The following ZNF654 variants were observed in gnomAD, a reference collection of about 807,000 sequenced individuals.
ZNF654 encodes the protein melanoma-associated antigen.
In ZNF654, 19 loss-of-function variants were observed where a neutral mutation model predicts 95.3. The observed-to-expected ratio is 0.20, with a 90% confidence interval of 0.14 to 0.29. The LOEUF (loss-of-function observed/expected upper bound fraction) is 0.29. Among genes scored for constraint, ZNF654 ranks in the 10% least tolerant of loss-of-function variants. The probability of loss-of-function intolerance (pLI) is 1.00; values close to 1 mark genes in which losing one functional copy is unlikely to be tolerated. For missense variants in ZNF654, 1,046 were observed against 1,341.0 expected (o/e 0.78, Z 3.44); for synonymous variants, 413 against 457.9 (o/e 0.90, Z 1.25).
Position 88,139,699 on chromosome 3 carries a change from T to C in ZNF654, c.2030T>C (p.Ile677Thr), listed in dbSNP as rs1278827045. The stretch of plus-strand genomic sequence containing the variant: ...CCAGAAGATGTTATTGAAAATGTTA[T>C]TGAAAATGGCAGTCCTAATAATTCT... Reference protein sequence around the residue: ...SVPEDVIENVIENGSPNNSLN... With the variant: ...SVPEDVIENVTENGSPNNSLN... Residue 677 changes from isoleucine (I) to threonine (T), a missense_variant, in exon 8 of 9, where the codon ATT (isoleucine) becomes ACT (threonine). Around this residue, in one of 9 missense-constraint regions of ZNF654, gnomAD observed 495 missense variants for 537.0 expected, o/e 0.92. Coordinates refer to ENST00000636215, the MANE Select transcript of ZNF654 (RefSeq NM_001350134.2). 14 of 1,584,684 alleles carry C rather than the reference T, an allele frequency of 8.8e-6. No individual in the cohort carries two copies. Among genetic ancestry groups the C allele is most frequent in the Non-Finnish European group, 9.5e-6 (11 of 1,163,986 alleles).
Position 88,135,077 on chromosome 3 carries a change from T to C in ZNF654, c.910T>C (p.Trp304Arg). 7.0e-7 allele frequency: 1 copy of C among 1,436,866 alleles called. No individual in the cohort carries two copies. 89.0% of individuals were successfully genotyped at this position (1,436,866 alleles called of 1,614,324 possible). The change falls in exon 7 of 9, where the codon TGG becomes CGG. Residue 304 changes from tryptophan (W) to arginine (R), a missense_variant. By Grantham distance (101) the Trp-to-Arg change is moderately radical (BLOSUM62 -3). Around this residue, in one of 9 missense-constraint regions of ZNF654, gnomAD observed 121 missense variants for 141.7 expected, o/e 0.85. Transcript: ENST00000636215. ...MYCIWELIFIWSKLQLKSNPS... is the reference protein window; with the variant it reads ...MYCIWELIFIRSKLQLKSNPS... ...CATTTACAGGGAGTTGATTTTCATA[T>C]GGAGTAAACTACAGCTTAAATCTAA... is the stretch of plus-strand genomic sequence containing the variant.
At chr3:88,092,922 A>G (rs1017732597) in intron 2 of ZNF654, among the ~76,000 whole-genome samples, 1 of 152,154 alleles carries the variant, frequency 6.6e-6, no homozygotes, top group Non-Finnish European at 1.5e-5. Flanking sequence ...GTCTACAGGG[A>G]AGGAAAGTGG....
chr3:88,090,657 C>T (rs1479033895), intron 2 of ZNF654, among the ~76,000 whole-genome samples: 1 of 152,126 alleles, frequency 6.6e-6, no homozygotes, highest in Non-Finnish European at 1.5e-5. Flanking sequence ...TCTTTACATT[C>T]ATTCACCATT....
intron 4 of ZNF654, among the ~76,000 whole-genome samples, chr3:88,126,846 A>G (rs1332968584): frequency 1.3e-5 from 2 of 152,190 alleles, no homozygotes; most frequent in Non-Finnish European, 2.9e-5. Flanking sequence ...ATTCTAGAGC[A>G]GTATTTCCCA....
chr3:88,088,797 G>A (rs1708480673), intron 2 of ZNF654, among the ~76,000 whole-genome samples: 1 of 151,722 alleles, frequency 6.6e-6, no homozygotes, highest in Non-Finnish European at 1.5e-5. Flanking sequence ...TGGATGGATG[G>A]AGTCTGGCTC....
chr3:88,073,934 G>A (rs1026810304), intron 1 of ZNF654, among the ~76,000 whole-genome samples: 2 of 151,960 alleles, frequency 1.3e-5, no homozygotes, highest in Non-Finnish European at 2.9e-5. Flanking sequence ...AAGAGTATAC[G>A]GCTTTTTAAG....
intron 3 of ZNF654, among the ~76,000 whole-genome samples, chr3:88,118,323 C>T (rs937454611): frequency 6.6e-6 from 1 of 151,886 alleles, no homozygotes; most frequent in African/African-American, 2.4e-5. Flanking sequence ...ATATCATGTC[C>T]CAAGCAGGAG....
intron 1 of ZNF654, among the ~76,000 whole-genome samples, chr3:88,069,355 G>A (rs1039881427): frequency 6.6e-6 from 1 of 152,158 alleles, no homozygotes; most frequent in African/African-American, 2.4e-5. Context: ...TCTGGAGGCG[G>A]AGGTTGCAGT....
chr3:88,139,306 G>A lies in ZNF654; in HGVS notation c.1637G>A (p.Arg546His), dbSNP rs1469004358. The change falls in exon 8 of 9, where the codon CGT becomes CAT. Residue 546 changes from arginine to histidine, a missense_variant. Arg to His is a conservative substitution (Grantham distance 29). Around this residue, in one of 9 missense-constraint regions of ZNF654, gnomAD observed 100 missense variants for 108.9 expected, o/e 0.92. Transcript: ENST00000636215. Reference protein sequence around the residue: ...SKVDHNVPRHRCMLCNKEFLG... With the variant: ...SKVDHNVPRHHCMLCNKEFLG... The stretch of plus-strand genomic sequence containing the variant: ...GTAGATCACAATGTCCCAAGGCATC[G>A]TTGTATGTTATGTAACAAGGAATTT... 7 of 1,591,918 alleles carry A rather than the reference G, an allele frequency of 4.4e-6. No homozygotes were observed. The highest frequency in any genetic ancestry group is 1.2e-5 in the South Asian group (1 of 86,522).
chr3:88,088,744 TTATGTATG>T lies in ZNF654; in HGVS notation c.332+2355_332+2362del, dbSNP rs10574923. Among the ~76,000 whole-genome samples the T allele has an allele frequency of 5.9e-4, 88 of 148,622 alleles. 1 individual carries two copies. The highest frequency in any genetic ancestry group is 4.4e-3 in the East Asian group (22 of 5,010). On this transcript the variant is annotated intron_variant, in intron 2 of 8. Transcript: ENST00000636215. ...AGGCAGTTTAAAAAAAAACCTTTAT[TTATGTATG>T]TATGTATGTATGGATGGATGGATGG...
intron 3 of ZNF654, among the ~76,000 whole-genome samples, chr3:88,113,539 T>C (rs1164652496): frequency 6.6e-6 from 1 of 152,166 alleles, no homozygotes; most frequent in African/African-American, 2.4e-5. Flanking sequence ...TTCCCTTGGC[T>C]GTACCTTGAT....
At chr3:88,061,600 T>A (rs1241168384) in intron 1 of ZNF654, among the ~76,000 whole-genome samples, 1 of 152,192 alleles carries the variant, frequency 6.6e-6, no homozygotes, top group African/African-American at 2.4e-5. Flanking sequence ...GAAGTCCTTT[T>A]TTATATTAAA....
At chr3:88,129,192 CA>C in intron 5 of ZNF654, 181 bp downstream of exon 5, 1 of 522,824 alleles carries the variant, frequency 1.9e-6, no homozygotes, top group Non-Finnish European at 3.3e-6. Flanking sequence ...TTGAATTAGT[CA>C]AAATCTGATA....
At chr3:88,081,432 A>G (rs2107646518) in intron 1 of ZNF654, among the ~76,000 whole-genome samples, 1 of 152,208 alleles carries the variant, frequency 6.6e-6, no homozygotes, top group East Asian at 1.9e-4. Context: ...GCATCGATGC[A>G]TGGATGTTGT....
At chr3:88,128,711 C>G (rs1706269210) in intron 4 of ZNF654, 98 bp from the exon 5 acceptor site, 1 of 788,710 alleles carries the variant, frequency 1.3e-6, no homozygotes, top group African/African-American at 1.8e-5. Flanking sequence ...GTAGTTAAAT[C>G]TAATTAGAAA....
chr3:88,086,209 A>G (rs1245448059), intron 1 of ZNF654, 48 bp from the exon 2 acceptor site: 1 of 1,483,744 alleles, frequency 6.7e-7, no homozygotes, highest in Admixed American at 2.3e-5. Flanking sequence ...TAAACTCGAG[A>G]TGTTGAGAAC....
At position 88,139,431 on chromosome 3, in the gene ZNF654, C is replaced by G. The variant is rs1706985774; in HGVS notation, c.1762C>G (p.Gln588Glu). 2 of 1,613,684 alleles carry G rather than the reference C, an allele frequency of 1.2e-6. No homozygotes were observed. Among genetic ancestry groups the G allele is most frequent in the Middle Eastern group, 1.6e-4 (1 of 6,084 alleles). Residue 588 changes from glutamine to glutamate, a missense_variant, in exon 8 of 9, where the codon CAG becomes GAG. Physicochemically the swap from Gln to Glu is conservative, Grantham distance 29. Transcript: ENST00000636215. ...GRKFRNRGLM[Q>E]KHLKNHVKKI... is the part of the protein sequence containing the mutation. ...GAAATTTAGAAACAGAGGACTTATGCAGAAGCATTTGAAGAATCATGTTAA... is the reference window on the plus strand; with the variant it reads ...GAAATTTAGAAACAGAGGACTTATGGAGAAGCATTTGAAGAATCATGTTAA...
At chr3:88,128,161 G>A (rs1356257541) in intron 4 of ZNF654, among the ~76,000 whole-genome samples, 1 of 151,966 alleles carries the variant, frequency 6.6e-6, no homozygotes, top group Non-Finnish European at 1.5e-5. Context: ...TAAGGTTGTT[G>A]TTAGGTCTAA....
At chr3:88,069,937 C>T (rs931357471) in intron 1 of ZNF654, among the ~76,000 whole-genome samples, 5 of 152,182 alleles carry the variant, frequency 3.3e-5, no homozygotes, top group African/African-American at 1.2e-4. Context: ...ATCTGGAAAT[C>T]CTACCAGTCC....
Sources: gnomAD v4.1 joint callset for allele counts (sites outside exome capture counted in the v4.1 genomes callset) on GRCh38, gnomAD v4.1.1 for gene constraint, gnomAD v4.1.1 regional missense constraint, MANE v1.5 for transcripts, NCBI Gene and HGNC (gene_info 2026-07-23, HGNC 2026-07-21) for gene names.